The following DPP6 variants were observed in gnomAD, a reference collection of about 807,000 sequenced individuals.
DPP6 encodes dipeptidyl peptidase like 6.
A neutral mutation model predicts 122.6 loss-of-function variants in DPP6; 69 were observed. The observed-to-expected ratio is 0.56, with a 90% CI of 0.46 to 0.69. The LOEUF is 0.69. Among genes scored for constraint, DPP6 ranks in the 30% least tolerant of loss-of-function variants. The pLI is 0.00. For synonymous variants in DPP6, 418 were observed against 433.1 expected (o/e 0.97, Z 0.43); for missense variants, 928 against 1,116.9 (o/e 0.83, Z 2.41).
chr7:154,795,851 G>A lies in DPP6; in HGVS notation c.1267G>A (p.Glu423Lys), dbSNP rs749867420. The A allele has an allele frequency of 3.7e-6, 6 of 1,610,968 alleles. No homozygotes were observed. Among genetic ancestry groups the A allele is most frequent in the Admixed American group, 1.7e-5 (1 of 59,752 alleles). ...ATTGVCTKKH[E>K]DESEAWLHRQ... ...TGCTCTCATTTCATTTCAGAAACAC[G>A]AGGATGAAAGTGAGGCCTGGCTCCA... Residue 423 changes from glutamate (E) to lysine (K), a missense_variant, in exon 12 of 26, where the codon GAG becomes AAG. Physicochemically the swap from Glu to Lys is moderately conservative, Grantham distance 56 (BLOSUM62 1). Coordinates refer to ENST00000377770, the MANE Select transcript of DPP6 (RefSeq NM_130797.4).
At chr7:154,543,268 T>C (rs1294360367) in intron 4 of DPP6, among the ~76,000 whole-genome samples, 1 of 152,216 alleles carries the variant, frequency 6.6e-6, no homozygotes, top group Non-Finnish European at 1.5e-5. Flanking sequence ...AAGGAATTGG[T>C]AAATTCTGTG....
Position 154,184,112 on chromosome 7 carries a change from A to G in DPP6, c.243+131049A>G, listed in dbSNP as rs116663914. 4.7e-3 allele frequency among the ~76,000 whole-genome samples: 716 copies of G among 152,218 alleles called. 2 individuals carry two copies. Among genetic ancestry groups the G allele is most frequent in the African/African-American group, 0.016 (678 of 41,536 alleles). ...CTGCCCCTGGGCATGGCAGACGGGC[A>G]GGACCAACCAAGAAGCAGGGACCAG... On this transcript the variant is annotated intron_variant, in intron 1 of 25. Coordinates refer to ENST00000377770, the MANE Select transcript of DPP6 (RefSeq NM_130797.4).
At chr7:154,300,747 A>T (rs1364849861) in intron 1 of DPP6, among the ~76,000 whole-genome samples, 3 of 152,138 alleles carry the variant, frequency 2.0e-5, no homozygotes, top group South Asian at 2.1e-4. Context: ...GTGAACTTGG[A>T]AGAGTTTCTT....
chr7:154,867,786 C>A (rs79756224), intron 17 of DPP6, among the ~76,000 whole-genome samples: 10 of 152,106 alleles, frequency 6.6e-5, no homozygotes, highest in African/African-American at 2.4e-4. Flanking sequence ...TTTAATCCAC[C>A]CAAATTCCAG....
intron 1 of DPP6, among the ~76,000 whole-genome samples, chr7:154,228,024 C>T (rs1488731232): frequency 1.3e-5 from 2 of 152,116 alleles, no homozygotes; most frequent in African/African-American, 4.8e-5. Context: ...GATTATTTTT[C>T]ATTATTCCAC....
chr7:154,139,061 G>A (rs1189995742), intron 1 of DPP6, among the ~76,000 whole-genome samples: 3 of 151,938 alleles, frequency 2.0e-5, no homozygotes, highest in Non-Finnish European at 2.9e-5. Context: ...CAAGCAGGAG[G>A]TGTACAAGTC....
At chr7:154,553,321 G>C (rs74791691) in intron 4 of DPP6, among the ~76,000 whole-genome samples, 1 of 152,104 alleles carries the variant, frequency 6.6e-6, no homozygotes, top group Non-Finnish European at 1.5e-5. Flanking sequence ...GGGGTTTTTC[G>C]AGACTTGCTC....
intron 1 of DPP6, among the ~76,000 whole-genome samples, chr7:154,079,083 C>T (rs1203464002): frequency 6.6e-6 from 1 of 152,012 alleles, no homozygotes; most frequent in Non-Finnish European, 1.5e-5. Context: ...ATGGTGAAAC[C>T]CTGTCTCTAC....
At chr7:153,900,539 G>C (rs910415178) in intron 1 of DPP6, among the ~76,000 whole-genome samples, 1 of 152,166 alleles carries the variant, frequency 6.6e-6, no homozygotes, top group Non-Finnish European at 1.5e-5. Flanking sequence ...GGGAACAAGA[G>C]AGAGAGGAAG....
chr7:154,091,963 C>T lies in DPP6; in HGVS notation c.243+38900C>T, dbSNP rs150525595. On this transcript the variant is annotated intron_variant, in intron 1 of 25. Transcript: ENST00000377770. Reference sequence around the variant, plus strand: ...CACAGTGATTGGGATGATGGGCTGGCTGACCCTTGGTGGTTCTCAACAATT... The same window carrying T: ...CACAGTGATTGGGATGATGGGCTGGTTGACCCTTGGTGGTTCTCAACAATT... Among the ~76,000 whole-genome samples, 1,063 of 152,232 alleles carry T rather than the reference C, an allele frequency of 7.0e-3. 11 individuals carry two copies. Among genetic ancestry groups the T allele is most frequent in the African/African-American group, 0.023 (967 of 41,542 alleles).
At chr7:154,779,288 C>A (rs181520043) in intron 10 of DPP6, among the ~76,000 whole-genome samples, 2 of 72,068 alleles carry the variant, frequency 2.8e-5, no homozygotes, top group African/African-American at 3.8e-5. Context: ...CACCACCACC[C>A]CCACTACTAT....
At chr7:154,004,736 G>C (rs1272648398) in intron 1 of DPP6, among the ~76,000 whole-genome samples, 2 of 151,846 alleles carry the variant, frequency 1.3e-5, no homozygotes, top group Non-Finnish European at 2.9e-5. Flanking sequence ...ACATTATGTG[G>C]AATGTTGTCT....
chr7:154,224,242 C>T (rs1298433540), intron 1 of DPP6, among the ~76,000 whole-genome samples: 1 of 148,836 alleles, frequency 6.7e-6, no homozygotes, highest in East Asian at 2.0e-4. Context: ...AGAATAGCTT[C>T]AACTTGGAGG....
chr7:153,922,603 G>A (rs1022344215), intron 1 of DPP6, among the ~76,000 whole-genome samples: 2 of 152,166 alleles, frequency 1.3e-5, no homozygotes, highest in African/African-American at 2.4e-5. Context: ...TTATGTCTCT[G>A]ATATCATTGT....
chr7:153,920,563 CTTT>C (rs61553100), intron 1 of DPP6, among the ~76,000 whole-genome samples: 56 of 88,688 alleles, frequency 6.3e-4, no homozygotes, highest in Middle Eastern at 0.02. Context: ...TTATCTCTCT[CTTT>C]TTTTTTTTTT....
chr7:154,077,499 G>A (rs1177180263), intron 1 of DPP6, among the ~76,000 whole-genome samples: 1 of 152,034 alleles, frequency 6.6e-6, no homozygotes, highest in Non-Finnish European at 1.5e-5. Flanking sequence ...CACCGTGCAG[G>A]ATCTCTACCC....
At chr7:154,868,380 G>A (rs1015281096) in intron 18 of DPP6, among the ~76,000 whole-genome samples, 3 of 152,194 alleles carry the variant, frequency 2.0e-5, no homozygotes, top group African/African-American at 4.8e-5. Flanking sequence ...TTTGGTGACC[G>A]TGTCAAGACA....
chr7:154,303,337 A>AG (rs1224454814), intron 1 of DPP6, among the ~76,000 whole-genome samples: 18 of 152,186 alleles, frequency 1.2e-4, no homozygotes, highest in African/African-American at 4.3e-4. Flanking sequence ...CTGGCTACCC[A>AG]GCCCTTCTTT....
At position 154,608,585 on chromosome 7, in the gene DPP6, C is replaced by T. The variant is rs186915694; in HGVS notation, c.628-29236C>T. Among the ~76,000 whole-genome samples, 120 of 151,414 alleles carry T rather than the reference C, an allele frequency of 7.9e-4. No individual in the cohort carries two copies. The East Asian group carries it at 0.023, about 29-fold the overall frequency. ...CTCCTGACCTCAAGTGATCCGCCTG[C>T]CTTGGCCTCCCAAAGTGCCAGGATT... is the stretch of plus-strand genomic sequence containing the variant. On this transcript the variant is annotated intron_variant, in intron 5 of 25. Transcript: ENST00000377770.
Sources: allele counts gnomAD v4.1 joint callset (sites outside exome capture counted in the v4.1 genomes callset), GRCh38; gene constraint gnomAD v4.1.1; transcripts MANE v1.5; gene names NCBI Gene and HGNC (gene_info 2026-07-23, HGNC 2026-07-21).